Variants in HMMR observed in about 807,000 individuals in gnomAD.
HMMR encodes hyaluronan mediated motility receptor, also known as intracellular hyaluronic acid-binding protein.
A neutral mutation model predicts 101.0 loss-of-function variants in HMMR; 108 were observed. The observed-to-expected ratio is 1.07, with a 90% CI of 0.92 to 1.25. The LOEUF (loss-of-function observed/expected upper bound fraction) is 1.25. HMMR is among the 50% of genes most tolerant of loss of function. The pLI, the probability that HMMR is intolerant of heterozygous loss-of-function variation, is 0.00. For synonymous variants in HMMR, 296 were observed against 276.4 expected, an observed-to-expected ratio of 1.07 and a Z score of -0.70; for missense variants, 813 against 788.7, an observed-to-expected ratio of 1.03 and a Z score of -0.37.
chr5:163,484,809 CT>C lies in HMMR; in HGVS notation c.1962+567del, dbSNP rs367775633. Reference sequence around the variant, plus strand: ...TCAGCCCTAAGAAACCACTAATCTACTTTCTGTCTCTGTTGATTTCCCTATT... The same window carrying C: ...TCAGCCCTAAGAAACCACTAATCTACTTCTGTCTCTGTTGATTTCCCTATT... On this transcript the variant is annotated intron_variant, in intron 16 of 17. Coordinates refer to ENST00000393915, the MANE Select transcript of HMMR (RefSeq NM_001142556.2). 5.0e-3 allele frequency among the ~76,000 whole-genome samples: 764 copies of C among 152,216 alleles called. 5 individuals are homozygous for C. Among genetic ancestry groups the C allele is most frequent in the African/African-American group, 0.018 (732 of 41,532 alleles).
chr5:163,466,381 C>T (rs1420629614), intron 3 of HMMR, among the ~76,000 whole-genome samples: 1 of 152,162 alleles, frequency 6.6e-6, no homozygotes, highest in Non-Finnish European at 1.5e-5. Flanking sequence ...TTGCCTAAGC[C>T]TCATATTCTG....
rs777606764 is a variant in HMMR at position 163,491,181 on chromosome 5, T to C, written c.*17T>C. 4.2e-6 allele frequency: 6 copies of C among 1,419,464 alleles called. No homozygotes were observed. In the South Asian group the frequency reaches 6.3e-5, roughly 15 times the overall value. The allele number at this position is 1,419,464 out of a possible 1,614,324, so 87.9% of individuals were successfully genotyped here. On this transcript the variant is annotated 3_prime_UTR_variant, in exon 18 of 18. Transcript: ENST00000393915. Reference sequence around the variant, plus strand: ...TGGAAGTAAACATCTGAGAAACCTGTTGAAGATTATTTCATTCGTCTTGTT... The same window carrying C: ...TGGAAGTAAACATCTGAGAAACCTGCTGAAGATTATTTCATTCGTCTTGTT...
chr5:163,462,123 C>T (rs1038779394), intron 1 of HMMR, among the ~76,000 whole-genome samples: 5 of 152,074 alleles, frequency 3.3e-5, no homozygotes, highest in African/African-American at 9.7e-5. Flanking sequence ...TATGATTTCC[C>T]GAGTAATCAA....
At chr5:163,491,031 A>G (rs1759674774) in intron 17 of HMMR, 81 bp from the exon 18 acceptor site, 2 of 653,420 alleles carry the variant, frequency 3.1e-6, no homozygotes, top group Non-Finnish European at 5.2e-6. Context: ...AAGAAGATAC[A>G]AGGCCTGTTT....
At position 163,483,336 on chromosome 5, in the gene HMMR, A is replaced by C; in HGVS notation, c.1754A>C (p.Glu585Ala). The change falls in exon 15 of 18, where the codon GAA becomes GCA. Residue 585 changes from glutamate (E) to alanine (A), a missense_variant. Transcript: ENST00000393915. ...EEINKWRLLY[E>A]ELYNKTKPFQ... Reference sequence around the variant, plus strand: ...ATTAACAAGTGGCGTCTCCTCTATGAAGAACTATATAATAAAACAAAACCT... The same window carrying C: ...ATTAACAAGTGGCGTCTCCTCTATGCAGAACTATATAATAAAACAAAACCT... 5 of 1,603,518 alleles carry C rather than the reference A, an allele frequency of 3.1e-6. No individual in the cohort carries two copies. The highest frequency in any genetic ancestry group is 4.3e-6 in the Non-Finnish European group (5 of 1,171,116).
rs1561643161 is a variant in HMMR at position 163,478,792 on chromosome 5, A to AT, written c.1380dup (p.Glu461Ter). 6.4e-7 allele frequency: 1 copy of AT among 1,574,702 alleles called. No homozygotes were observed. Among genetic ancestry groups the AT allele is most frequent in the Admixed American group, 1.7e-5 (1 of 59,974 alleles). On this transcript the variant is annotated frameshift_variant, in exon 12 of 18. Coordinates refer to ENST00000393915, the MANE Select transcript of HMMR (RefSeq NM_001142556.2). LOFTEE classifies it high-confidence loss of function. ...AAAGCCTTGAAGATGTTACTGCTCA[A>AT]TTTGAAAGGTATTTTTCTTGGGAGC...
chr5:163,476,158 A>T (rs942174898), intron 11 of HMMR, among the ~76,000 whole-genome samples: 1 of 149,192 alleles, frequency 6.7e-6, no homozygotes, highest in African/African-American at 2.5e-5. Context: ...ACTAAAAATT[A>T]AAAAAAAAAC....
In HMMR at chr5:163,460,686, CGTCAACATGTCCTTTCCTAAG is replaced by C. The variant is rs1286828711; in HGVS notation, c.-5_16del. 8.7e-6 allele frequency: 14 copies of C among 1,603,884 alleles called. No homozygotes were observed. In the Admixed American group the frequency reaches 2.0e-4, roughly 23 times the overall value. ...GTCACCTTCAGTTTCTGGAGCTGGC[CGTCAACATGTCCTTTCCTAAG>C]GCGCCCTTGAAACGATTCAATGACC... is the stretch of plus-strand genomic sequence containing the variant. On this transcript the variant is annotated start_lost and 5_prime_UTR_variant, in exon 1 of 18. Transcript: ENST00000393915.
chr5:163,487,151 T>C (rs1184832174), intron 16 of HMMR, among the ~76,000 whole-genome samples: 2 of 152,244 alleles, frequency 1.3e-5, no homozygotes, highest in African/African-American at 4.8e-5. Flanking sequence ...AGCATTTTTA[T>C]ATGAAAGGGT....
At chr5:163,461,223 A>G (rs1038055308) in intron 1 of HMMR, among the ~76,000 whole-genome samples, 1 of 152,226 alleles carries the variant, frequency 6.6e-6, no homozygotes, top group Non-Finnish European at 1.5e-5. Flanking sequence ...AAACATAAAC[A>G]ATGAAGTTAT....
chr5:163,484,250 G>T lies in HMMR; in HGVS notation c.1962+5G>T. The T allele has an allele frequency of 1.3e-6, 2 of 1,533,170 alleles. No individual in the cohort carries two copies. Among genetic ancestry groups the T allele is most frequent in the Non-Finnish European group, 1.8e-6 (2 of 1,120,928 alleles). 95.0% of individuals were successfully genotyped at this position (1,533,170 alleles called of 1,614,324 possible). On this transcript the variant is annotated splice_donor_5th_base_variant and intron_variant, in intron 16 of 17. Coordinates refer to ENST00000393915, the MANE Select transcript of HMMR (RefSeq NM_001142556.2). ...GAAAATAGCCAACTCAAATCGGTTT[G>T]TAAAATGACTTTTCATTTTATTAAA...
At chr5:163,490,876 C>T (rs1425491556) in intron 17 of HMMR, among the ~76,000 whole-genome samples, 1 of 152,150 alleles carries the variant, frequency 6.6e-6, no homozygotes, top group Admixed American at 6.6e-5. Context: ...CTCTTAGGTC[C>T]TTAATCATTT....
At chr5:163,474,799 A>G (rs1454356087) in intron 10 of HMMR, among the ~76,000 whole-genome samples, 1 of 152,230 alleles carries the variant, frequency 6.6e-6, no homozygotes, top group East Asian at 1.9e-4. Context: ...ACATGCACTG[A>G]TGTGAAATAT....
intron 1 of HMMR, among the ~76,000 whole-genome samples, chr5:163,462,844 A>AG (rs1305462417): frequency 6.6e-6 from 1 of 151,862 alleles, no homozygotes; most frequent in East Asian, 1.9e-4. Context: ...AAAAAAAAAA[A>AG]AAAAAAAATC....
rs1462206976 is a variant in HMMR at position 163,488,508 on chromosome 5, G to A, written c.1963-1882G>A. 2.0e-5 allele frequency among the ~76,000 whole-genome samples: 3 copies of A among 152,078 alleles called. No individual in the cohort carries two copies. In the East Asian group the frequency reaches 5.8e-4, roughly 29 times the overall value. ...CCTTTTGGGGGCTTTTTATTTGCTTGTTTGCTTAATGAGTGGCTCAATTAT... is the reference window on the plus strand; with the variant it reads ...CCTTTTGGGGGCTTTTTATTTGCTTATTTGCTTAATGAGTGGCTCAATTAT... On this transcript the variant is annotated intron_variant, in intron 16 of 17. Transcript: ENST00000393915.
intron 1 of HMMR, among the ~76,000 whole-genome samples, chr5:163,462,166 GCTT>G (rs1472360326): frequency 6.6e-6 from 1 of 152,134 alleles, no homozygotes; most frequent in Non-Finnish European, 1.5e-5. Flanking sequence ...CAGCAGTGTG[GCTT>G]TAAGGTTTTT....
chr5:163,482,910 T>TA, intron 13 of HMMR, 110 bp from the exon 14 acceptor site: 3 of 1,335,482 alleles, frequency 2.2e-6, no homozygotes, highest in Non-Finnish European at 2.1e-6. Context: ...TTTACTCAGT[T>TA]AAAAAATGAC....
chr5:163,489,190 C>G (rs1221475820), intron 16 of HMMR: 1 of 152,376 alleles, frequency 6.6e-6, no homozygotes, highest in Non-Finnish European at 1.5e-5. Flanking sequence ...AATGCCGCAG[C>G]TGATCTGCCA....
At chr5:163,476,627 C>T (rs1759077487) in intron 11 of HMMR, among the ~76,000 whole-genome samples, 1 of 152,062 alleles carries the variant, frequency 6.6e-6, no homozygotes, top group South Asian at 2.1e-4. Context: ...GCCTGGGCAA[C>T]GTAGCACAAG....
Sources: gnomAD v4.1 joint callset for allele counts (sites outside exome capture counted in the v4.1 genomes callset) on GRCh38, gnomAD v4.1.1 for gene constraint, MANE v1.5 for transcripts, NCBI Gene and HGNC (gene_info 2026-07-23, HGNC 2026-07-21) for gene names.